Variants in PPIP5K2 observed in about 807,000 individuals in gnomAD.
PPIP5K2 encodes inositol hexakisphosphate and diphosphoinositol-pentakisphosphate kinase 2.
In PPIP5K2, 105 loss-of-function variants were observed where a neutral mutation model predicts 154.6. The ratio of observed to expected loss-of-function variants is 0.68; its 90% CI spans 0.58 to 0.80. The LOEUF (loss-of-function observed/expected upper bound fraction) is 0.80. Ranked by LOEUF, PPIP5K2 falls within the 30% of genes least tolerant of loss-of-function variation. The pLI, the probability that PPIP5K2 is intolerant of heterozygous loss-of-function variation, is 0.00. For missense variants in PPIP5K2, 992 were observed against 1,504.6 expected, an observed-to-expected ratio of 0.66 and a Z score of 5.64; for synonymous variants, 480 against 490.3, an observed-to-expected ratio of 0.98 and a Z score of 0.28.
At position 103,152,724 on chromosome 5, in the gene PPIP5K2, A is replaced by G. The variant is rs1794817376; in HGVS notation, c.1105A>G (p.Ile369Val). ...SIPLEAEDIP[I>V]VPTTSGTMME... The stretch of plus-strand genomic sequence containing the variant: ...ACCCTTAGAAGCTGAAGATATCCCA[A>G]TTGTACCAACTACATCTGGAACTAT... The change falls in exon 10 of 31, where the codon ATT becomes GTT. Residue 369 changes from isoleucine (I) to valine (V), a missense_variant. This residue lies in a region of PPIP5K2 where 163 missense variants were observed against 285.2 expected (regional missense o/e 0.57). Transcript: ENST00000358359. The G allele has an allele frequency of 1.9e-6, 3 of 1,581,126 alleles. No individual in the cohort carries two copies. The highest frequency in any genetic ancestry group is 2.6e-6 in the Non-Finnish European group (3 of 1,150,850).
intron 22 of PPIP5K2, 32 bp from the exon 23 acceptor site, chr5:103,177,832 T>C (rs199939641): frequency 1.3e-4 from 203 of 1,600,142 alleles, no homozygotes; most frequent in Non-Finnish European, 1.7e-4. Flanking sequence ...TTAAAGTTTC[T>C]CATTTTGAAA....
chr5:103,142,619 A>C (rs1792990695), intron 5 of PPIP5K2, among the ~76,000 whole-genome samples: 1 of 151,756 alleles, frequency 6.6e-6, no homozygotes, highest in South Asian at 2.1e-4. Flanking sequence ...CTAAAAATAC[A>C]AAAAAAATTA....
intron 29 of PPIP5K2, among the ~76,000 whole-genome samples, chr5:103,193,590 A>C (rs916112544): frequency 6.6e-6 from 1 of 152,038 alleles, no homozygotes; most frequent in Non-Finnish European, 1.5e-5. Context: ...ATATGCAAGC[A>C]GAAAAGGGCT....
At chr5:103,191,147 C>T (rs782527174) in intron 29 of PPIP5K2, 165 bp downstream of exon 29, 12 of 505,638 alleles carry the variant, frequency 2.4e-5, no homozygotes, top group Middle Eastern at 1.1e-3. Context: ...GTAATGTGAA[C>T]TGTACCTCTT....
rs368100594 is a variant in PPIP5K2, at chr5:103,167,170, C to T, written c.1921-9C>T. ...CCAGATATAAAATATATACTTTACT[C>T]ATTTGTAGCTTACTCCATCTGGAAG... On this transcript the variant is annotated splice_polypyrimidine_tract_variant and intron_variant, in intron 17 of 30. Transcript: ENST00000358359. The T allele has an allele frequency of 4.6e-6, 7 of 1,533,484 alleles. No individual in the cohort carries two copies. In the African/African-American group the frequency reaches 9.8e-5, roughly 21 times the overall value. The allele number at this position is 1,533,484 out of a possible 1,614,324, so 95.0% of individuals were successfully genotyped here. A position where few individuals can be genotyped will look rare whatever the true frequency, so the allele number is the denominator to read the frequency against.
Position 103,133,622 on chromosome 5 carries a change from A to C in PPIP5K2, c.284A>C (p.Asp95Ala), listed in dbSNP as rs782102742. 1 of 1,607,898 alleles carries C rather than the reference A, an allele frequency of 6.2e-7. No individual in the cohort carries two copies. The highest frequency in any genetic ancestry group is 8.5e-7 in the Non-Finnish European group (1 of 1,177,942). The change falls in exon 3 of 31, where the codon GAT becomes GCT. Residue 95 changes from aspartate (D) to alanine (A), a missense_variant. Coordinates refer to ENST00000358359, the MANE Select transcript of PPIP5K2 (RefSeq NM_001276277.3). The stretch of plus-strand genomic sequence containing the variant: ...CCAGTGGAAAACTGGCCTTTATGTG[A>C]TTGTCTTATTTCTTTCCATTCTAAA... Reference protein sequence around the residue: ...NEPVENWPLCDCLISFHSKGF... With the variant: ...NEPVENWPLCACLISFHSKGF...
chr5:103,153,266 A>G (rs938907416), intron 10 of PPIP5K2, among the ~76,000 whole-genome samples: 1 of 151,816 alleles, frequency 6.6e-6, no homozygotes, highest in African/African-American at 2.4e-5. Flanking sequence ...TTAACACGCA[A>G]GTGTTAAATA....
chr5:103,128,710 A>G (rs1554201542), intron 1 of PPIP5K2, among the ~76,000 whole-genome samples: 3 of 152,136 alleles, frequency 2.0e-5, no homozygotes, highest in Non-Finnish European at 4.4e-5. Flanking sequence ...AGATTTTATT[A>G]GATTTGTTAA....
chr5:103,142,321 C>T (rs1254425400), intron 5 of PPIP5K2, among the ~76,000 whole-genome samples: 4 of 152,310 alleles, frequency 2.6e-5, no homozygotes, highest in Admixed American at 2.6e-4. Flanking sequence ...CCGGCTGCTC[C>T]GAGTGCGGGG....
intron 28 of PPIP5K2, chr5:103,189,293 A>T: frequency 8.0e-7 from 1 of 1,246,910 alleles, no homozygotes; most frequent in South Asian, 1.3e-5. Context: ...TAACCCTTTC[A>T]TTGTGCATTA....
At position 103,197,156 on chromosome 5, in the gene PPIP5K2, G is replaced by A. The variant is rs1802217879; in HGVS notation, c.3619+2131G>A. Among the ~76,000 whole-genome samples, 6 of 152,088 alleles carry A rather than the reference G, an allele frequency of 3.9e-5. No homozygotes were observed. The South Asian group carries it at 1.2e-3, about 32-fold the overall frequency. ...TTTTTTTTGTTTCTGTTTTTGTAATGCCTTTTTCCAGGTTTTGGTATCAGA... is the reference window on the plus strand; with the variant it reads ...TTTTTTTTGTTTCTGTTTTTGTAATACCTTTTTCCAGGTTTTGGTATCAGA... On this transcript the variant is annotated intron_variant, in intron 30 of 30. Coordinates refer to ENST00000358359, the MANE Select transcript of PPIP5K2 (RefSeq NM_001276277.3).
chr5:103,203,613 T>C lies in PPIP5K2; in HGVS notation c.*1979T>C, dbSNP rs1218479155. 2 of 152,196 alleles carry C rather than the reference T, an allele frequency of 1.3e-5. No individual in the cohort carries two copies. Among genetic ancestry groups the C allele is most frequent in the Non-Finnish European group, 2.9e-5 (2 of 68,032 alleles). 9.4% of individuals were successfully genotyped at this position (152,196 alleles called of 1,614,324 possible). ...TGTCCTGAGAAGATGTGGGATTTTT[T>C]GGTTTTAAATACTAGAAGATATTTC... On this transcript the variant is annotated 3_prime_UTR_variant, in exon 31 of 31. Coordinates refer to ENST00000358359, the MANE Select transcript of PPIP5K2 (RefSeq NM_001276277.3).
intron 21 of PPIP5K2, among the ~76,000 whole-genome samples, chr5:103,175,913 T>C (rs1198458229): frequency 6.6e-6 from 1 of 152,072 alleles, no homozygotes; most frequent in Non-Finnish European, 1.5e-5. Flanking sequence ...AAGATGAAAA[T>C]TAAAGTCTGC....
intron 28 of PPIP5K2, among the ~76,000 whole-genome samples, chr5:103,188,009 T>A (rs560549312): frequency 6.6e-6 from 1 of 152,302 alleles, no homozygotes; most frequent in East Asian, 1.9e-4. Context: ...TTCCTTTTAG[T>A]ACCACTGCTT....
In PPIP5K2 at chr5:103,129,578, A is replaced by C; in HGVS notation, c.-12A>C. 6.4e-7 allele frequency: 1 copy of C among 1,563,998 alleles called. No homozygotes were observed. Among genetic ancestry groups the C allele is most frequent in the Non-Finnish European group, 8.6e-7 (1 of 1,162,560 alleles). Reference sequence around the variant, plus strand: ...AATCATTTCAATTATATCTACATCAAATAAAATAAAAATGAGTGAAGCCCC... The same window carrying C: ...AATCATTTCAATTATATCTACATCACATAAAATAAAAATGAGTGAAGCCCC... On this transcript the variant is annotated 5_prime_UTR_variant, in exon 2 of 31. Transcript: ENST00000358359.
rs1450767983 is a variant in PPIP5K2, at chr5:103,152,738, A to G, written c.1119A>G (p.Thr373=). ...EAEDIPIVPT[T]SGTMMELRCV... is the part of the protein sequence containing the mutation. ...AAGATATCCCAATTGTACCAACTAC[A>G]TCTGGAACTATGTAAGTCTGAATTA... Residue 373 remains threonine, a synonymous_variant, in exon 10 of 31, where the codon ACA becomes ACG. Transcript: ENST00000358359. 1.9e-6 allele frequency: 3 copies of G among 1,550,812 alleles called. No homozygotes were observed. The highest frequency in any genetic ancestry group is 1.7e-4 in the Middle Eastern group (1 of 5,964).
At chr5:103,149,093 T>TACAC (rs138096296) in intron 7 of PPIP5K2, 59 bp from the exon 8 acceptor site, 20 of 1,173,172 alleles carry the variant, frequency 1.7e-5, no homozygotes, top group South Asian at 2.2e-5. Flanking sequence ...GTCTGTTGGT[T>TACAC]ACACACACAC....
At chr5:103,145,662 G>A (rs1231777643) in intron 5 of PPIP5K2, among the ~76,000 whole-genome samples, 1 of 150,702 alleles carries the variant, frequency 6.6e-6, no homozygotes, top group Non-Finnish European at 1.5e-5. Context: ...ATGTTTTCAC[G>A]TGTGGGAGCT....
At chr5:103,143,953 AAG>A (rs1554208209) in intron 5 of PPIP5K2, among the ~76,000 whole-genome samples, 1 of 152,186 alleles carries the variant, frequency 6.6e-6, no homozygotes, top group Admixed American at 6.5e-5. Flanking sequence ...AGGGAAGAGA[AAG>A]AAATAAAGGG....
Sources: allele counts gnomAD v4.1 joint callset (sites outside exome capture counted in the v4.1 genomes callset), GRCh38; gene constraint gnomAD v4.1.1; regional missense constraint gnomAD v4.1.1; transcripts MANE v1.5; gene names NCBI Gene and HGNC (gene_info 2026-07-23, HGNC 2026-07-21).